ROBO2: variants seen among roughly 807,000 people sequenced by gnomAD.
ROBO2 encodes roundabout homolog 2.
A neutral mutation model predicts 160.8 loss-of-function variants in ROBO2; 53 were observed. That is an observed-to-expected ratio of 0.33 (90% CI 0.26 to 0.41). The LOEUF (loss-of-function observed/expected upper bound fraction) is 0.41. Among genes scored for constraint, ROBO2 ranks in the 10% least tolerant of loss-of-function variants. The pLI, the probability that ROBO2 is intolerant of heterozygous loss-of-function variation, is 1.00. For missense variants in ROBO2, 1,577 were observed against 1,722.4 expected (o/e 0.92, Z 1.49); for synonymous variants, 664 against 611.7 (o/e 1.09, Z -1.26).
chr3:77,153,355 A>G (rs1162450544), intron 2 of ROBO2, among the ~76,000 whole-genome samples: 1 of 152,092 alleles, frequency 6.6e-6, no homozygotes, highest in Non-Finnish European at 1.5e-5. Flanking sequence ...TGTTCCATGA[A>G]TGAAATATGG....
At position 76,961,247 on chromosome 3, in the gene ROBO2, G is replaced by GGAAAAAAAA. The variant is rs761616869; in HGVS notation, c.110-136767_110-136766insGAAAAAAAA. On this transcript the variant is annotated intron_variant, in intron 2 of 26. Transcript: ENST00000487694. Reference sequence around the variant, plus strand: ...ATTTGCTATGCTAATGTGCCACAGAGAAAAAAAAAAAAAAAAAAAAACACT... The same window carrying GGAAAAAAAA: ...ATTTGCTATGCTAATGTGCCACAGAGGAAAAAAAAAAAAAAAAAAAAAAAAAAAAACACT... Among the ~76,000 whole-genome samples, 22 of 54,442 alleles carry GGAAAAAAAA rather than the reference G, an allele frequency of 4.0e-4. 1 individual carries two copies. The highest frequency in any genetic ancestry group is 1.0e-3 in the African/African-American group (19 of 18,478). The allele number at this position is 54,442 out of a possible 152,430, so 35.7% of individuals were successfully genotyped here. A position where few individuals can be genotyped will look rare whatever the true frequency, so the allele number is the denominator to read the frequency against.
At chr3:76,448,120 T>C (rs2077293069) in intron 2 of ROBO2, among the ~76,000 whole-genome samples, 1 of 151,518 alleles carries the variant, frequency 6.6e-6, no homozygotes, top group South Asian at 2.1e-4. Flanking sequence ...AACAAAAATA[T>C]TCTCCTTTAT....
intron 2 of ROBO2, among the ~76,000 whole-genome samples, chr3:76,079,578 G>A (rs2068751553): frequency 6.6e-6 from 1 of 151,240 alleles, no homozygotes; most frequent in South Asian, 2.1e-4. Flanking sequence ...CCGCCTCCCG[G>A]GTTCAAGCAA....
At chr3:76,973,964 C>A (rs980590936) in intron 2 of ROBO2, among the ~76,000 whole-genome samples, 1 of 152,100 alleles carries the variant, frequency 6.6e-6, no homozygotes, top group Non-Finnish European at 1.5e-5. Flanking sequence ...GATGAACATA[C>A]AATGAGTTAT....
chr3:75,952,155 G>C (rs148399295), intron 2 of ROBO2, among the ~76,000 whole-genome samples: 1 of 151,916 alleles, frequency 6.6e-6, no homozygotes, highest in Non-Finnish European at 1.5e-5. Context: ...TCACAATGCT[G>C]TCATGACATT....
chr3:76,466,262 TGTC>T (rs1220526976), intron 2 of ROBO2, among the ~76,000 whole-genome samples: 3 of 151,852 alleles, frequency 2.0e-5, no homozygotes, highest in East Asian at 3.9e-4. Context: ...ATTCATTTGT[TGTC>T]AGGAAGAATT....
chr3:76,692,891 C>A (rs892694921), intron 2 of ROBO2, among the ~76,000 whole-genome samples: 44 of 151,798 alleles, frequency 2.9e-4, no homozygotes, highest in African/African-American at 1.0e-3. Context: ...AACTCTCTCT[C>A]TCTCTCTCTA....
intron 1 of ROBO2, among the ~76,000 whole-genome samples, chr3:75,912,437 T>A (rs1003042952): frequency 1.3e-5 from 2 of 152,234 alleles, no homozygotes; most frequent in Non-Finnish European, 1.5e-5. Flanking sequence ...CACAATTTTT[T>A]AAAATACTGC....
chr3:76,441,635 A>AT (rs1283789916), intron 2 of ROBO2, among the ~76,000 whole-genome samples: 1 of 152,190 alleles, frequency 6.6e-6, no homozygotes, highest in Non-Finnish European at 1.5e-5. Context: ...CAGCAGTTGA[A>AT]TAAAAACTGT....
At chr3:76,412,727 T>C (rs967558212) in intron 2 of ROBO2, among the ~76,000 whole-genome samples, 1 of 152,176 alleles carries the variant, frequency 6.6e-6, no homozygotes, top group African/African-American at 2.4e-5. Flanking sequence ...CCCTGTGGTT[T>C]TGCAGGATAC....
intron 2 of ROBO2, among the ~76,000 whole-genome samples, chr3:77,445,990 C>T (rs536549295): frequency 1.3e-5 from 2 of 151,902 alleles, no homozygotes; most frequent in Admixed American, 6.6e-5. Flanking sequence ...CTTTATTCTT[C>T]GGGTTTGTGA....
intron 2 of ROBO2, among the ~76,000 whole-genome samples, chr3:77,011,350 T>A (rs938846808): frequency 6.6e-6 from 1 of 152,168 alleles, no homozygotes; most frequent in Non-Finnish European, 1.5e-5. Context: ...ATTTTTCACA[T>A]GCAAATTAAA....
At chr3:76,677,084 A>AT (rs144508737) in intron 2 of ROBO2, among the ~76,000 whole-genome samples, 19,852 of 151,662 alleles carry the variant, frequency 0.13, 1,900 homozygotes, top group African/African-American at 0.27. Flanking sequence ...TTTCTAGGCA[A>AT]TTTTTTTTTC....
chr3:77,042,457 G>A (rs1319917278), intron 1 of ROBO2, among the ~76,000 whole-genome samples: 2 of 152,126 alleles, frequency 1.3e-5, no homozygotes, highest in East Asian at 3.9e-4. Context: ...CTATACATTA[G>A]ACTACAAAAT....
intron 2 of ROBO2, among the ~76,000 whole-genome samples, chr3:75,979,007 C>G (rs2065206519): frequency 6.6e-6 from 1 of 151,502 alleles, no homozygotes; most frequent in Admixed American, 6.6e-5. Context: ...ATACTCTCAG[C>G]TGAGGGCAAA....
At chr3:77,111,665 A>T (rs547921812) in intron 2 of ROBO2, among the ~76,000 whole-genome samples, 1 of 152,190 alleles carries the variant, frequency 6.6e-6, no homozygotes, top group South Asian at 2.1e-4. Context: ...GATAGATTTT[A>T]TTTCATTTTC....
At chr3:77,187,158 A>G (rs1023803009) in intron 2 of ROBO2, among the ~76,000 whole-genome samples, 3 of 152,002 alleles carry the variant, frequency 2.0e-5, no homozygotes, top group South Asian at 2.1e-4. Context: ...TAAGACATCT[A>G]TATTAAAATA....
Position 76,713,962 on chromosome 3 carries a change from T to TAA in ROBO2, c.110-384042_110-384041dup, listed in dbSNP as rs34540306. Among the ~76,000 whole-genome samples, 178 of 148,066 alleles carry TAA rather than the reference T, an allele frequency of 1.2e-3. 2 individuals carry two copies. The East Asian group carries it at 0.023, about 19-fold the overall frequency. Reference sequence around the variant, plus strand: ...AGTTTAGAACTGTGCATTTTAAAAGTAAAAAAAAAAATGAGACTTCAGAAA... The same window carrying TAA: ...AGTTTAGAACTGTGCATTTTAAAAGTAAAAAAAAAAAAATGAGACTTCAGAAA... On this transcript the variant is annotated intron_variant, in intron 2 of 26. Coordinates refer to the ROBO2 transcript ENST00000487694.
chr3:76,464,271 T>TA lies in ROBO2; in HGVS notation c.109+526670dup, dbSNP rs1206645888. Among the ~76,000 whole-genome samples the TA allele has an allele frequency of 2.0e-5, 3 of 152,172 alleles. No individual in the cohort carries two copies. In the East Asian group the frequency reaches 5.8e-4, roughly 29 times the overall value. Reference sequence around the variant, plus strand: ...AAATGATGATTGGACGAATAGTATGTAGAGACTGAGAAGCACTGGAAAGGC... The same window carrying TA: ...AAATGATGATTGGACGAATAGTATGTAAGAGACTGAGAAGCACTGGAAAGGC... On this transcript the variant is annotated intron_variant, in intron 2 of 26. Transcript: ENST00000487694.
Sources: allele counts gnomAD v4.1 joint callset (sites outside exome capture counted in the v4.1 genomes callset), GRCh38; gene constraint gnomAD v4.1.1; transcripts MANE v1.5; gene names NCBI Gene and HGNC (gene_info 2026-07-23, HGNC 2026-07-21).